Variants in GPR137B observed in about 807,000 individuals in gnomAD.
GPR137B encodes the protein integral membrane protein GPR137B.
A neutral mutation model predicts 42.5 loss-of-function variants in GPR137B; 42 were observed. That is an observed-to-expected ratio of 0.99 (90% CI 0.77 to 1.28). GPR137B has a LOEUF of 1.28. GPR137B is among the 50% of genes most tolerant of loss of function. The pLI, the probability that GPR137B is intolerant of heterozygous loss-of-function variation, is 0.00. For synonymous variants in GPR137B, 218 were observed against 209.7 expected (o/e 1.04, Z -0.34); for missense variants, 487 against 493.9 (o/e 0.99, Z 0.13).
chr1:236,180,153 G>T, intron 4 of GPR137B, 125 bp downstream of exon 4: 1 of 733,072 alleles, frequency 1.4e-6, no homozygotes, highest in South Asian at 1.6e-5. Flanking sequence ...AAATGGTGTA[G>T]TATCTGCATA....
intron 5 of GPR137B, among the ~76,000 whole-genome samples, chr1:236,186,258 TATATTATATATTATATATA>T (rs1663021883): frequency 1.0e-4 from 2 of 19,722 alleles, no homozygotes; most frequent in Admixed American, 4.9e-4. Flanking sequence ...ATATATAATA[TATATTATATATTATATATA>T]ATAATATAAA....
chr1:236,169,157 C>T (rs550950333), intron 2 of GPR137B, among the ~76,000 whole-genome samples: 1 of 152,340 alleles, frequency 6.6e-6, no homozygotes, highest in Admixed American at 6.5e-5. Flanking sequence ...CCATCCCGCA[C>T]CTCCCATGCT....
At chr1:236,199,254 G>T (rs1663428166) in intron 5 of GPR137B, among the ~76,000 whole-genome samples, 1 of 152,144 alleles carries the variant, frequency 6.6e-6, no homozygotes, top group Non-Finnish European at 1.5e-5. Flanking sequence ...AAACCCACTT[G>T]ATCATGGTGG....
chr1:236,192,158 G>A (rs935178572), intron 5 of GPR137B, among the ~76,000 whole-genome samples: 2 of 152,138 alleles, frequency 1.3e-5, no homozygotes, highest in Non-Finnish European at 2.9e-5. Context: ...CAGCAATGGC[G>A]GATGTCCCTC....
In GPR137B at chr1:236,160,260, G is replaced by A. The variant is rs115421939; in HGVS notation, c.415-8446G>A. ...ACGGGGGAAGCCCTGAAAAACCCCGGTGTTTTCATAGGCTGTGTGGAGCCC... is the reference window on the plus strand; with the variant it reads ...ACGGGGGAAGCCCTGAAAAACCCCGATGTTTTCATAGGCTGTGTGGAGCCC... On this transcript the variant is annotated intron_variant, in intron 1 of 6. Coordinates refer to ENST00000366592, the MANE Select transcript of GPR137B (RefSeq NM_003272.4). 5.8e-3 allele frequency among the ~76,000 whole-genome samples: 876 copies of A among 152,242 alleles called. 7 individuals carry two copies. The highest frequency in any genetic ancestry group is 8.0e-3 in the Non-Finnish European group (545 of 68,020).
At chr1:236,190,153 T>G (rs34455185) in intron 5 of GPR137B, among the ~76,000 whole-genome samples, 4 of 140,602 alleles carry the variant, frequency 2.8e-5, no homozygotes, top group African/African-American at 8.3e-5. Context: ...TTCTTCTTTT[T>G]TTTTTTTTTT....
At chr1:236,207,130 T>C (rs1000706963) in intron 6 of GPR137B, 8 of 985,100 alleles carry the variant, frequency 8.1e-6, no homozygotes, top group Non-Finnish European at 9.6e-6. Flanking sequence ...GTCCTTGTTT[T>C]AGGGACAGAA....
intron 5 of GPR137B, among the ~76,000 whole-genome samples, chr1:236,195,579 A>G (rs1224521895): frequency 6.6e-6 from 1 of 152,172 alleles, no homozygotes; most frequent in African/African-American, 2.4e-5. Context: ...AGGATTGCAG[A>G]TATCTCTTCA....
At chr1:236,157,491 G>A (rs1439999026) in intron 1 of GPR137B, among the ~76,000 whole-genome samples, 5 of 152,162 alleles carry the variant, frequency 3.3e-5, no homozygotes, top group African/African-American at 1.2e-4. Context: ...CAAAGTGCTG[G>A]GATTACAGGC....
At chr1:236,160,209 C>G (rs1274861436) in intron 1 of GPR137B, among the ~76,000 whole-genome samples, 1 of 152,212 alleles carries the variant, frequency 6.6e-6, no homozygotes, top group Non-Finnish European at 1.5e-5. Context: ...GCTCCCCTCC[C>G]CTGTCCTCCC....
chr1:236,178,135 C>T (rs1026878166), intron 2 of GPR137B, among the ~76,000 whole-genome samples: 2 of 152,132 alleles, frequency 1.3e-5, no homozygotes, highest in Non-Finnish European at 2.9e-5. Flanking sequence ...GAGTAGGGAG[C>T]GCTCAGCGAG....
chr1:236,198,494 T>C (rs1397625381), intron 5 of GPR137B, among the ~76,000 whole-genome samples: 1 of 152,188 alleles, frequency 6.6e-6, no homozygotes, highest in East Asian at 1.9e-4. Flanking sequence ...TGTGAGCCAC[T>C]GTATCCAGCC....
At chr1:236,168,668 A>G in intron 1 of GPR137B, 38 bp from the exon 2 acceptor site, 3 of 1,559,920 alleles carry the variant, frequency 1.9e-6, no homozygotes, top group East Asian at 2.2e-5. Flanking sequence ...CTGTCAACAT[A>G]TTGGACCCCA....
In GPR137B at chr1:236,168,563, G is replaced by A. The variant is rs1352460580; in HGVS notation, c.415-143G>A. 1.1e-5 allele frequency: 7 copies of A among 657,468 alleles called. No homozygotes were observed. The Admixed American group carries it at 1.7e-4, about 16-fold the overall frequency. 40.7% of individuals were successfully genotyped at this position (657,468 alleles called of 1,614,324 possible). A position where few individuals can be genotyped will look rare whatever the true frequency, so the allele number is the denominator to read the frequency against. On this transcript the variant is annotated intron_variant, in intron 1 of 6. Coordinates refer to ENST00000366592, the MANE Select transcript of GPR137B (RefSeq NM_003272.4). ...GTATGTGCAACATAAGAAATGTTTG[G>A]CATAACAAACGTGGACATTTCAATT...
At position 236,142,860 on chromosome 1, in the gene GPR137B, G is replaced by T. The variant is rs750693836; in HGVS notation, c.238G>T (p.Val80Phe). The change falls in exon 1 of 7, where the codon GTC becomes TTC. Residue 80 changes from valine (V) to phenylalanine (F), a missense_variant. Physicochemically the swap from Val to Phe is conservative, Grantham distance 50 (BLOSUM62 -1). Transcript: ENST00000366592. ...YRHKRLSYQS[V>F]FLFLCLFWAS... is the part of the protein sequence containing the mutation. ...CCACAAGCGGCTCAGCTACCAGAGC[G>T]TCTTCCTCTTTCTCTGCCTCTTCTG... 6.2e-7 allele frequency: 1 copy of T among 1,614,196 alleles called. No individual in the cohort carries two copies. Among genetic ancestry groups the T allele is most frequent in the Non-Finnish European group, 8.5e-7 (1 of 1,180,016 alleles).
In GPR137B at chr1:236,208,445, G is replaced by T; in HGVS notation, c.*287G>T. ...GTATAACTTAAATAATAATGCTAAA[G>T]TATACTAGGGTTTTTTTTTCTTGAG... On this transcript the variant is annotated 3_prime_UTR_variant, in exon 7 of 7. Coordinates refer to ENST00000366592, the MANE Select transcript of GPR137B (RefSeq NM_003272.4). 1 of 902,818 alleles carries T rather than the reference G, an allele frequency of 1.1e-6. No homozygotes were observed. Among genetic ancestry groups the T allele is most frequent in the Non-Finnish European group, 1.4e-6 (1 of 722,500 alleles). The allele number at this position is 902,818 out of a possible 1,614,324, so 55.9% of individuals were successfully genotyped here.
Position 236,168,757 on chromosome 1 carries a change from T to C in GPR137B, c.464+2T>C. On this transcript the variant is annotated splice_donor_variant, in intron 2 of 6. Coordinates refer to ENST00000366592, the MANE Select transcript of GPR137B (RefSeq NM_003272.4). LOFTEE classifies it high-confidence loss of function. ...TTCTCCAGAATTACTCAAATACCGGTAAGTACTGCAGGGCATCTCTTTCTG... is the reference window on the plus strand; with the variant it reads ...TTCTCCAGAATTACTCAAATACCGGCAAGTACTGCAGGGCATCTCTTTCTG... The C allele has an allele frequency of 6.3e-7, 1 of 1,591,370 alleles. No individual in the cohort carries two copies. Among genetic ancestry groups the C allele is most frequent in the East Asian group, 2.2e-5 (1 of 44,760 alleles).
intron 5 of GPR137B, among the ~76,000 whole-genome samples, chr1:236,192,193 G>T (rs1162399660): frequency 6.6e-6 from 1 of 152,130 alleles, no homozygotes; most frequent in Non-Finnish European, 1.5e-5. Context: ...GAGTGTCCCA[G>T]GTCGACCTCA....
At chr1:236,174,273 T>C (rs567620882) in intron 2 of GPR137B, among the ~76,000 whole-genome samples, 21 of 152,150 alleles carry the variant, frequency 1.4e-4, no homozygotes, top group Non-Finnish European at 2.8e-4. Context: ...GCTCTGAGAA[T>C]AGGATTTGAT....
Sources: allele counts gnomAD v4.1 joint callset (sites outside exome capture counted in the v4.1 genomes callset), GRCh38; gene constraint gnomAD v4.1.1; transcripts MANE v1.5; gene names NCBI Gene and HGNC (gene_info 2026-07-23, HGNC 2026-07-21).